FAM107B: variants seen among roughly 807,000 people sequenced by gnomAD.
FAM107B encodes family with sequence similarity 107 member B.
A neutral mutation model predicts 31.5 loss-of-function variants in FAM107B; 21 were observed. That is an observed-to-expected ratio of 0.67 (90% CI 0.47 to 0.96). The LOEUF (loss-of-function observed/expected upper bound fraction) is 0.96, where lower values mean the gene tolerates loss of function less well. Among genes scored for constraint, FAM107B ranks in the 40% least tolerant of loss-of-function variants. FAM107B has a pLI of 0.00. For missense variants in FAM107B, 452 were observed against 377.1 expected (o/e 1.20, Z -1.64); for synonymous variants, 157 against 141.5 (o/e 1.11, Z -0.78).
chr10:14,636,102 G>A (rs1026831043), intron 2 of FAM107B, among the ~76,000 whole-genome samples: 1 of 152,038 alleles, frequency 6.6e-6, no homozygotes, highest in African/African-American at 2.4e-5. Context: ...GAAATTCCTG[G>A]AGCACAACTA....
chr10:14,749,213 CA>C (rs1368549718), intron 1 of FAM107B, among the ~76,000 whole-genome samples: 1 of 152,134 alleles, frequency 6.6e-6, no homozygotes. Flanking sequence ...AGCCAGGAAA[CA>C]ATGCCACTTA....
intron 2 of FAM107B, among the ~76,000 whole-genome samples, chr10:14,591,941 G>A (rs1160740287): frequency 6.6e-6 from 1 of 152,076 alleles, no homozygotes; most frequent in East Asian, 1.9e-4. Flanking sequence ...TCAATAGCAT[G>A]GGGGGAAGGG....
chr10:14,713,256 G>A (rs1481990621), intron 1 of FAM107B, among the ~76,000 whole-genome samples: 1 of 152,178 alleles, frequency 6.6e-6, no homozygotes, highest in South Asian at 2.1e-4. Flanking sequence ...ATAAATGCCA[G>A]TAAAGCTTTA....
At chr10:14,641,600 A>T (rs528379825) in intron 2 of FAM107B, among the ~76,000 whole-genome samples, 1 of 152,296 alleles carries the variant, frequency 6.6e-6, no homozygotes, top group South Asian at 2.1e-4. Context: ...TTCTCACATG[A>T]CAAAGAGAAA....
chr10:14,661,863 A>G (rs2131465547), intron 2 of FAM107B, among the ~76,000 whole-genome samples: 1 of 152,318 alleles, frequency 6.6e-6, no homozygotes, highest in South Asian at 2.1e-4. Context: ...AGAGAGTCAC[A>G]TAGTGAGGCT....
chr10:14,525,067 C>T (rs548812572), intron 3 of FAM107B, among the ~76,000 whole-genome samples: 1 of 152,300 alleles, frequency 6.6e-6, no homozygotes, highest in South Asian at 2.1e-4. Context: ...TAATATTTTA[C>T]CACAGTGGAT....
chr10:14,686,750 T>C (rs1291269677), intron 1 of FAM107B, among the ~76,000 whole-genome samples: 1 of 152,134 alleles, frequency 6.6e-6, no homozygotes, highest in Non-Finnish European at 1.5e-5. Context: ...CAAATGAACT[T>C]AAAATATGGT....
chr10:14,559,731 C>T (rs993870361), intron 2 of FAM107B, among the ~76,000 whole-genome samples: 3 of 108,524 alleles, frequency 2.8e-5, no homozygotes, highest in Admixed American at 1.1e-4. Context: ...GCCACCGCGC[C>T]TGGCTAATTT....
intron 1 of FAM107B, among the ~76,000 whole-genome samples, chr10:14,718,197 C>G (rs1370860887): frequency 6.6e-6 from 1 of 151,962 alleles, no homozygotes; most frequent in African/African-American, 2.4e-5. Flanking sequence ...TGTGGTGGCA[C>G]GCACCTGTAG....
intron 3 of FAM107B, 89 bp downstream of exon 3, chr10:14,530,242 CT>C (rs1846808535): frequency 7.5e-7 from 1 of 1,329,428 alleles, no homozygotes; most frequent in Non-Finnish European, 1.0e-6. Flanking sequence ...ATCAAAGACT[CT>C]TTGAAGCCTC....
rs1853593901 is a variant in FAM107B, at chr10:14,640,118, G to A, written c.469+27516C>T. Among the ~76,000 whole-genome samples the A allele has an allele frequency of 2.6e-5, 4 of 152,332 alleles. No homozygotes were observed. The South Asian group carries it at 8.3e-4, about 32-fold the overall frequency. ...GAATAATTCCTATGAGCTGGGCATTGTTATAGATATTTTGCATTTATTAAT... is the reference window on the plus strand; with the variant it reads ...GAATAATTCCTATGAGCTGGGCATTATTATAGATATTTTGCATTTATTAAT... On this transcript the variant is annotated intron_variant, in intron 2 of 4. Coordinates refer to ENST00000181796, the MANE Select transcript of FAM107B (RefSeq NM_031453.4).
intron 2 of FAM107B, among the ~76,000 whole-genome samples, chr10:14,584,222 C>T (rs1005214003): frequency 2.0e-5 from 3 of 152,118 alleles, no homozygotes; most frequent in African/African-American, 7.2e-5. Flanking sequence ...GCAGCAATGA[C>T]TCAGGAAGAA....
At chr10:14,751,601 A>G (rs191112648) in intron 1 of FAM107B, among the ~76,000 whole-genome samples, 1 of 152,040 alleles carries the variant, frequency 6.6e-6, no homozygotes, top group Non-Finnish European at 1.5e-5. Flanking sequence ...CTCCTGGGCT[A>G]AAGCGATCCT....
intron 2 of FAM107B, among the ~76,000 whole-genome samples, chr10:14,626,920 C>A (rs918656987): frequency 6.6e-6 from 1 of 152,108 alleles, no homozygotes; most frequent in Non-Finnish European, 1.5e-5. Context: ...TCTGTTTGTA[C>A]CTCTTTCTAT....
chr10:14,662,918 G>C (rs975796330), intron 2 of FAM107B, among the ~76,000 whole-genome samples: 1 of 152,204 alleles, frequency 6.6e-6, no homozygotes, highest in African/African-American at 2.4e-5. Flanking sequence ...GATTAGGAGA[G>C]GCAGACCCAC....
intron 1 of FAM107B, chr10:14,723,167 C>G (rs963267064): frequency 5.9e-6 from 3 of 506,758 alleles, no homozygotes; most frequent in Non-Finnish European, 1.2e-5. Context: ...ACAAGAACAG[C>G]TTAAGACCAT....
At chr10:14,762,788 ACACACACAC>A (rs1564293220) in intron 1 of FAM107B, among the ~76,000 whole-genome samples, 5 of 150,462 alleles carry the variant, frequency 3.3e-5, no homozygotes, top group African/African-American at 1.2e-4. Context: ...ACACACACAC[ACACACACAC>A]ACACAAAAAG....
At chr10:14,723,019 C>T (rs894072961) in intron 1 of FAM107B, among the ~76,000 whole-genome samples, 8 of 152,042 alleles carry the variant, frequency 5.3e-5, no homozygotes, top group East Asian at 1.9e-4. Context: ...GTCCAATGGC[C>T]GTCTTTTACA....
chr10:14,770,687 G>A (rs775878511), intron 1 of FAM107B, among the ~76,000 whole-genome samples: 1 of 152,124 alleles, frequency 6.6e-6, no homozygotes, highest in Non-Finnish European at 1.5e-5. Context: ...TCCCATTTTA[G>A]GGTTGTTATC....
Sources: gnomAD v4.1 joint callset for allele counts (sites outside exome capture counted in the v4.1 genomes callset) on GRCh38, gnomAD v4.1.1 for gene constraint, MANE v1.5 for transcripts, NCBI Gene and HGNC (gene_info 2026-07-23, HGNC 2026-07-21) for gene names.